Variants in RGS7 observed in about 807,000 individuals in gnomAD.
The protein encoded by RGS7 is regulator of G protein signaling 7.
RGS7 carries 27 observed loss-of-function variants against 81.1 expected under a neutral mutation model. That is an observed-to-expected ratio of 0.33 (90% CI 0.25 to 0.46). RGS7 has a LOEUF of 0.46. Among genes scored for constraint, RGS7 ranks in the 20% least tolerant of loss-of-function variants. The pLI is 1.00. For synonymous variants in RGS7, 208 were observed against 207.7 expected (o/e 1.00, Z -0.01); for missense variants, 396 against 607.4 (o/e 0.65, Z 3.66).
intron 2 of RGS7, among the ~76,000 whole-genome samples, chr1:241,251,793 AGCCAC>A (rs1374177658): frequency 2.6e-5 from 4 of 151,840 alleles, no homozygotes; most frequent in Non-Finnish European, 5.9e-5. Context: ...TACAGGTGTG[AGCCAC>A]CACGCCTGGC....
intron 3 of RGS7, among the ~76,000 whole-genome samples, chr1:241,082,154 C>T (rs6697446): frequency 2.0e-5 from 3 of 152,158 alleles, no homozygotes; most frequent in Admixed American, 2.0e-4. Context: ...ACAGAAATAT[C>T]TCAAAGGAAT....
intron 3 of RGS7, among the ~76,000 whole-genome samples, chr1:241,025,020 C>T (rs1159031745): frequency 6.6e-6 from 1 of 152,116 alleles, no homozygotes; most frequent in African/African-American, 2.4e-5. Flanking sequence ...TGGGAATTTG[C>T]CTTTGGGGCC....
At chr1:241,183,741 G>T (rs1295521886) in intron 2 of RGS7, among the ~76,000 whole-genome samples, 1 of 152,182 alleles carries the variant, frequency 6.6e-6, no homozygotes, top group Non-Finnish European at 1.5e-5. Context: ...AGAGAAAGAG[G>T]CTCTATGTAG....
chr1:241,275,405 A>T (rs1043607609), intron 2 of RGS7, among the ~76,000 whole-genome samples: 2 of 152,236 alleles, frequency 1.3e-5, no homozygotes, highest in African/African-American at 4.8e-5. Flanking sequence ...AATATACACT[A>T]TAGCACACCC....
chr1:241,153,006 A>C (rs1162761540), intron 2 of RGS7, among the ~76,000 whole-genome samples: 1 of 152,228 alleles, frequency 6.6e-6, no homozygotes, highest in Admixed American at 6.5e-5. Context: ...ACTGCAACTC[A>C]GTGCCCATTT....
intron 4 of RGS7, among the ~76,000 whole-genome samples, chr1:240,969,239 A>C (rs535737227): frequency 1.1e-4 from 16 of 152,164 alleles, no homozygotes; most frequent in African/African-American, 3.9e-4. Context: ...TTCTTTGCCA[A>C]AGGAAATTCA....
chr1:241,029,935 C>T (rs890386062), intron 3 of RGS7, among the ~76,000 whole-genome samples: 1 of 152,122 alleles, frequency 6.6e-6, no homozygotes, highest in Non-Finnish European at 1.5e-5. Context: ...ATACGTGAAG[C>T]GGAGAGGCAC....
At chr1:241,303,811 T>G (rs918060070) in intron 2 of RGS7, among the ~76,000 whole-genome samples, 16 of 152,236 alleles carry the variant, frequency 1.1e-4, no homozygotes, top group Non-Finnish European at 4.4e-5. Context: ...TGGTTTCATT[T>G]AACATGTTCC....
intron 4 of RGS7, among the ~76,000 whole-genome samples, chr1:240,971,936 C>T (rs953780123): frequency 4.6e-5 from 7 of 152,170 alleles, no homozygotes; most frequent in African/African-American, 1.7e-4. Flanking sequence ...TTAAATGCTT[C>T]TACCGCTTCC....
chr1:241,317,121 C>T (rs916597553), intron 2 of RGS7, among the ~76,000 whole-genome samples: 1 of 152,128 alleles, frequency 6.6e-6, no homozygotes, highest in African/African-American at 2.4e-5. Flanking sequence ...AAGCTGATTT[C>T]AAGCTTCCAA....
chr1:240,937,644 A>T (rs1461398073), intron 4 of RGS7, among the ~76,000 whole-genome samples: 3 of 152,222 alleles, frequency 2.0e-5, no homozygotes, highest in African/African-American at 7.2e-5. Flanking sequence ...TTTGGCATTT[A>T]TAGCACTTTA....
intron 2 of RGS7, among the ~76,000 whole-genome samples, chr1:241,284,400 A>AG (rs1211655449): frequency 2.0e-5 from 3 of 151,110 alleles, no homozygotes; most frequent in South Asian, 2.1e-4. Context: ...AGTGTTTGGC[A>AG]GGGGGGGTTG....
chr1:240,895,534 G>A (rs145808508), intron 6 of RGS7, among the ~76,000 whole-genome samples: 5 of 152,108 alleles, frequency 3.3e-5, no homozygotes, highest in African/African-American at 7.2e-5. Context: ...GAGAACATGC[G>A]GTGCTTGGTT....
At chr1:240,977,423 AAC>A (rs890390040) in intron 4 of RGS7, among the ~76,000 whole-genome samples, 1 of 152,126 alleles carries the variant, frequency 6.6e-6, no homozygotes, top group Non-Finnish European at 1.5e-5. Flanking sequence ...ATATAACACA[AAC>A]ACACACACGT....
At chr1:240,825,007 C>T (rs975583959) in intron 10 of RGS7, among the ~76,000 whole-genome samples, 1 of 152,176 alleles carries the variant, frequency 6.6e-6, no homozygotes, top group Non-Finnish European at 1.5e-5. Flanking sequence ...TTCTAGTTTC[C>T]GTAACTATGA....
chr1:241,262,001 AG>A (rs1316219946), intron 2 of RGS7, among the ~76,000 whole-genome samples: 2 of 150,230 alleles, frequency 1.3e-5, no homozygotes, highest in African/African-American at 4.8e-5. Flanking sequence ...TTTTAAGAAC[AG>A]GTAGAAAAAA....
At chr1:241,259,685 T>TATAA (rs1302382859) in intron 2 of RGS7, among the ~76,000 whole-genome samples, 3 of 100,796 alleles carry the variant, frequency 3.0e-5, no homozygotes, top group African/African-American at 1.1e-4. Flanking sequence ...TATATATATA[T>TATAA]AATTAAAATA....
chr1:241,061,261 G>C (rs2061725221), intron 3 of RGS7, among the ~76,000 whole-genome samples: 1 of 152,170 alleles, frequency 6.6e-6, no homozygotes, highest in Admixed American at 6.6e-5. Flanking sequence ...ACTGTATTTT[G>C]GTGGAAATAA....
intron 2 of RGS7, among the ~76,000 whole-genome samples, chr1:241,156,572 A>AAGGGGAGAGGAGGGG (rs1360300673): frequency 1.6e-5 from 2 of 125,136 alleles, no homozygotes; most frequent in African/African-American, 3.0e-5. Context: ...AGGAAAGGGA[A>AAGGGGAGAGGAGGGG]AGGGGAGAGG....
Sources: allele counts gnomAD v4.1 joint callset (sites outside exome capture counted in the v4.1 genomes callset), GRCh38; gene constraint gnomAD v4.1.1; transcripts MANE v1.5; gene names NCBI Gene and HGNC (gene_info 2026-07-23, HGNC 2026-07-21).